NRG3: variants seen among roughly 807,000 people sequenced by gnomAD.
NRG3 encodes the protein neuregulin 3.
Under a neutral mutation model 66.9 loss-of-function variants are expected in NRG3, and 31 were observed. The ratio of observed to expected loss-of-function variants is 0.46; its 90% CI spans 0.35 to 0.63. The LOEUF (loss-of-function observed/expected upper bound fraction) is 0.63. Ranked by LOEUF, NRG3 falls within the 20% of genes least tolerant of loss-of-function variation. The probability of loss-of-function intolerance (pLI) is 0.00; values close to 1 mark genes in which losing one functional copy is unlikely to be tolerated. For missense variants in NRG3, 910 were observed against 878.9 expected, an observed-to-expected ratio of 1.04 and a Z score of -0.45; for synonymous variants, 393 against 359.4, an observed-to-expected ratio of 1.09 and a Z score of -1.06.
At chr10:82,735,549 C>T (rs948993702) in intron 2 of NRG3, among the ~76,000 whole-genome samples, 4 of 152,100 alleles carry the variant, frequency 2.6e-5, no homozygotes, top group Non-Finnish European at 1.5e-5. Flanking sequence ...AAATGTGGCC[C>T]ATATACACCA....
intron 1 of NRG3, among the ~76,000 whole-genome samples, chr10:81,886,905 C>T (rs1842654163): frequency 6.6e-6 from 1 of 151,916 alleles, no homozygotes. Flanking sequence ...GGAAGTATAC[C>T]AAATTGTTCA....
At chr10:82,264,402 C>T (rs1183912654) in intron 1 of NRG3, among the ~76,000 whole-genome samples, 2 of 152,120 alleles carry the variant, frequency 1.3e-5, no homozygotes, top group African/African-American at 4.8e-5. Context: ...GGGGAAACTG[C>T]GACCCCCACT....
intron 2 of NRG3, among the ~76,000 whole-genome samples, chr10:82,678,408 G>A (rs1391045274): frequency 6.6e-6 from 1 of 152,110 alleles, no homozygotes; most frequent in African/African-American, 2.4e-5. Context: ...GCTCAGTAGG[G>A]GAGCTTTTTG....
intron 3 of NRG3, among the ~76,000 whole-genome samples, chr10:82,792,711 G>T (rs1039986754): frequency 6.6e-6 from 1 of 151,716 alleles, no homozygotes; most frequent in Non-Finnish European, 1.5e-5. Context: ...ACGGAGTTTT[G>T]CTCTTGTAGC....
intron 2 of NRG3, among the ~76,000 whole-genome samples, chr10:82,529,072 C>T (rs1223522707): frequency 1.3e-5 from 2 of 152,196 alleles, no homozygotes; most frequent in Non-Finnish European, 2.9e-5. Context: ...TACCTAAGAG[C>T]AAGATTTTTA....
At chr10:82,685,439 G>A (rs990930238) in intron 2 of NRG3, among the ~76,000 whole-genome samples, 2 of 152,182 alleles carry the variant, frequency 1.3e-5, no homozygotes, top group African/African-American at 4.8e-5. Flanking sequence ...GGCCTGACCA[G>A]GACCTTAGGA....
intron 2 of NRG3, among the ~76,000 whole-genome samples, chr10:82,637,296 A>C (rs2050266074): frequency 6.6e-6 from 1 of 152,228 alleles, no homozygotes; most frequent in African/African-American, 2.4e-5. Context: ...TAATGTTAGT[A>C]ATTGATTATA....
intron 1 of NRG3, among the ~76,000 whole-genome samples, chr10:81,997,535 G>A (rs2060987247): frequency 6.6e-6 from 1 of 151,950 alleles, no homozygotes; most frequent in Non-Finnish European, 1.5e-5. Flanking sequence ...CCTCAGCTAT[G>A]TATTTGGAGG....
intron 1 of NRG3, among the ~76,000 whole-genome samples, chr10:81,982,448 C>T (rs1478508616): frequency 6.6e-6 from 1 of 152,226 alleles, no homozygotes; most frequent in Non-Finnish European, 1.5e-5. Context: ...GCTGCTTCCA[C>T]ATTTTTAGGT....
At chr10:82,512,452 A>AT (rs751431403) in intron 2 of NRG3, among the ~76,000 whole-genome samples, 20 of 151,908 alleles carry the variant, frequency 1.3e-4, no homozygotes, top group Admixed American at 3.3e-4. Flanking sequence ...CGCTTGGCTA[A>AT]TTTTTGTATT....
chr10:82,411,811 T>A (rs2088114028), intron 2 of NRG3, among the ~76,000 whole-genome samples: 1 of 152,074 alleles, frequency 6.6e-6, no homozygotes, highest in Admixed American at 6.6e-5. Flanking sequence ...GGAATTAAGG[T>A]GGGGCCTTAG....
At chr10:82,020,940 G>T (rs1026509914) in intron 1 of NRG3, among the ~76,000 whole-genome samples, 1 of 152,084 alleles carries the variant, frequency 6.6e-6, no homozygotes, top group Non-Finnish European at 1.5e-5. Context: ...TCTGAAGGCA[G>T]TGTTCCCAAA....
intron 1 of NRG3, among the ~76,000 whole-genome samples, chr10:82,197,215 G>T (rs927468467): frequency 2.6e-5 from 4 of 152,104 alleles, no homozygotes; most frequent in East Asian, 1.9e-4. Flanking sequence ...CATAGCACCA[G>T]GCACATAGCA....
chr10:82,024,213 T>G (rs896269672), intron 1 of NRG3, among the ~76,000 whole-genome samples: 1 of 152,046 alleles, frequency 6.6e-6, no homozygotes, highest in Non-Finnish European at 1.5e-5. Flanking sequence ...CCTTTTCCTC[T>G]GGTTTCATTG....
chr10:82,719,744 T>G (rs1435159153), intron 2 of NRG3, among the ~76,000 whole-genome samples: 1 of 152,216 alleles, frequency 6.6e-6, no homozygotes, highest in East Asian at 1.9e-4. Flanking sequence ...TGCCAGTCCC[T>G]GTTACTTTAT....
chr10:82,519,653 A>C (rs1846010727), intron 2 of NRG3, among the ~76,000 whole-genome samples: 1 of 152,202 alleles, frequency 6.6e-6, no homozygotes, highest in South Asian at 2.1e-4. Context: ...GCTTTGAAGA[A>C]CAAAAGGACC....
chr10:82,058,595 T>A (rs915304719), intron 1 of NRG3, among the ~76,000 whole-genome samples: 6 of 151,428 alleles, frequency 4.0e-5, no homozygotes, highest in Admixed American at 1.3e-4. Context: ...CTAGAAAAAA[T>A]TAGCTTAATT....
At chr10:82,232,903 A>G (rs917821989) in intron 1 of NRG3, 3 of 703,400 alleles carry the variant, frequency 4.3e-6, no homozygotes, top group East Asian at 5.4e-5. Context: ...ACTACTTTGA[A>G]TAATTTCTCC....
chr10:82,167,680 G>T (rs984193674), intron 1 of NRG3, among the ~76,000 whole-genome samples: 1 of 151,698 alleles, frequency 6.6e-6, no homozygotes, highest in Non-Finnish European at 1.5e-5. Context: ...AGTTCTTTTG[G>T]GTTTATCATT....
Sources: allele counts gnomAD v4.1 joint callset (sites outside exome capture counted in the v4.1 genomes callset), GRCh38; gene constraint gnomAD v4.1.1; transcripts MANE v1.5; gene names NCBI Gene and HGNC (gene_info 2026-07-23, HGNC 2026-07-21).